Variants in RNLS observed in about 807,000 individuals in gnomAD.
RNLS encodes the protein renalase.
Under a neutral mutation model 39.8 loss-of-function variants are expected in RNLS, and 39 were observed. The ratio of observed to expected loss-of-function variants is 0.98; its 90% CI spans 0.76 to 1.28. RNLS has a LOEUF of 1.28. RNLS is among the 50% of genes most tolerant of loss of function. The probability of loss-of-function intolerance (pLI) is 0.00; values close to 1 mark genes in which losing one functional copy is unlikely to be tolerated. For synonymous variants in RNLS, 147 were observed against 150.7 expected (o/e 0.98, Z 0.18); for missense variants, 410 against 413.3 (o/e 0.99, Z 0.07).
intron 4 of RNLS, among the ~76,000 whole-genome samples, chr10:88,453,174 C>T (rs975372076): frequency 2.6e-5 from 4 of 152,146 alleles, no homozygotes; most frequent in East Asian, 1.9e-4. Flanking sequence ...AGGAGTACAC[C>T]GTAGTGGATA....
intron 4 of RNLS, among the ~76,000 whole-genome samples, chr10:88,378,338 G>GTTTC (rs1851194555): frequency 6.6e-6 from 1 of 152,098 alleles, no homozygotes; most frequent in Non-Finnish European, 1.5e-5. Context: ...TTGCCATCCT[G>GTTTC]TTTCTGGCCA....
intron 4 of RNLS, among the ~76,000 whole-genome samples, chr10:88,447,836 C>A (rs1407721112): frequency 1.3e-5 from 2 of 152,042 alleles, no homozygotes; most frequent in Non-Finnish European, 2.9e-5. Context: ...CAGAAAAGAG[C>A]CCTCAGAAAT....
intron 4 of RNLS, among the ~76,000 whole-genome samples, chr10:88,366,905 T>C (rs1850158113): frequency 6.6e-6 from 1 of 151,474 alleles, no homozygotes; most frequent in African/African-American, 2.4e-5. Flanking sequence ...ATTAAACCAA[T>C]TCACTGCCCA....
chr10:88,496,419 A>T (rs1388960996), intron 4 of RNLS, among the ~76,000 whole-genome samples: 2 of 152,190 alleles, frequency 1.3e-5, no homozygotes, highest in Non-Finnish European at 2.9e-5. Context: ...AGGAAGAAGC[A>T]GTGGCCTGAC....
the RNLS span, among the ~76,000 whole-genome samples, chr10:88,230,588 G>T: frequency 6.6e-6 from 1 of 152,106 alleles, no homozygotes. Flanking sequence ...TACAGCCCCT[G>T]CTCAACTCTA....
At chr10:88,185,091 A>G in the RNLS span, among the ~76,000 whole-genome samples, 5 of 152,202 alleles carry the variant, frequency 3.3e-5, no homozygotes, top group Non-Finnish European at 7.4e-5. Context: ...CCGAGGTTAC[A>G]TAGTAGACAA....
At chr10:88,334,060 C>T (rs1847311099) in intron 5 of RNLS, among the ~76,000 whole-genome samples, 3 of 152,054 alleles carry the variant, frequency 2.0e-5, no homozygotes, top group Admixed American at 2.0e-4. Context: ...ATTCACATAC[C>T]TTTGTTGAAC....
At chr10:88,194,916 T>C in the RNLS span, among the ~76,000 whole-genome samples, 1 of 152,242 alleles carries the variant, frequency 6.6e-6, no homozygotes, top group African/African-American at 2.4e-5. Flanking sequence ...ATCTTAACTT[T>C]GTTTTCTTTT....
chr10:88,466,652 G>GA (rs1843224441), intron 4 of RNLS, among the ~76,000 whole-genome samples: 2 of 152,016 alleles, frequency 1.3e-5, no homozygotes, highest in African/African-American at 4.8e-5. Context: ...TTCTGCACAG[G>GA]AAAAATAGCA....
At chr10:88,339,400 C>G (rs144618239) in intron 5 of RNLS, among the ~76,000 whole-genome samples, 2 of 152,098 alleles carry the variant, frequency 1.3e-5, no homozygotes, top group Non-Finnish European at 2.9e-5. Flanking sequence ...GTAAGTGTTC[C>G]TGGGGTGTTT....
At chr10:88,412,152 G>C (rs913141074) in intron 4 of RNLS, among the ~76,000 whole-genome samples, 1 of 152,002 alleles carries the variant, frequency 6.6e-6, no homozygotes, top group African/African-American at 2.4e-5. Flanking sequence ...TGAAGGCAGG[G>C]GGGTCAGGTG....
At chr10:88,378,989 C>G (rs183419236) in intron 4 of RNLS, among the ~76,000 whole-genome samples, 135 of 152,230 alleles carry the variant, frequency 8.9e-4, no homozygotes, top group Non-Finnish European at 1.3e-3. Context: ...GTATTATGTA[C>G]TGTATATATT....
chr10:88,573,672 T>C (rs1849984803), intron 3 of RNLS, among the ~76,000 whole-genome samples: 1 of 152,194 alleles, frequency 6.6e-6, no homozygotes, highest in South Asian at 2.1e-4. Context: ...TACCCTCCCA[T>C]AACATTTTCC....
chr10:88,246,821 G>A, the RNLS span, among the ~76,000 whole-genome samples: 1 of 152,152 alleles, frequency 6.6e-6, no homozygotes, highest in East Asian at 1.9e-4. Flanking sequence ...TGTCTAAGTT[G>A]TGAGCAGACA....
intron 6 of RNLS, among the ~76,000 whole-genome samples, chr10:88,278,405 C>G (rs1842889836): frequency 6.6e-6 from 1 of 152,128 alleles, no homozygotes; most frequent in African/African-American, 2.4e-5. Context: ...GTGCAACTAA[C>G]TCTAGGCCTA....
chr10:88,351,053 T>C (rs1848659682), intron 5 of RNLS, among the ~76,000 whole-genome samples: 1 of 152,236 alleles, frequency 6.6e-6, no homozygotes, highest in South Asian at 2.1e-4. Flanking sequence ...TCTGTTCATA[T>C]CCTTCGCCCA....
intron 5 of RNLS, among the ~76,000 whole-genome samples, chr10:88,355,450 C>T (rs1315822479): frequency 6.6e-6 from 1 of 152,174 alleles, no homozygotes; most frequent in Non-Finnish European, 1.5e-5. Context: ...CCCTCAGCTG[C>T]AGGTCTGTTG....
rs1264309906 is a variant in RNLS at position 88,394,595 on chromosome 10, G to T, written c.527-31870C>A. On this transcript the variant is annotated intron_variant, in intron 4 of 6. Coordinates refer to ENST00000331772, the MANE Select transcript of RNLS (RefSeq NM_001031709.3). ...ATAGGAACACTTTTACACTGTTGGT[G>T]GGACTGTAAACTAGTTCAACCATTG... Among the ~76,000 whole-genome samples, 6 of 152,268 alleles carry T rather than the reference G, an allele frequency of 3.9e-5. No individual in the cohort carries two copies. In the East Asian group the frequency reaches 9.6e-4, roughly 24 times the overall value.
At chr10:88,288,567 G>C (rs752620697) in intron 6 of RNLS, among the ~76,000 whole-genome samples, 3 of 152,034 alleles carry the variant, frequency 2.0e-5, no homozygotes, top group African/African-American at 4.8e-5. Context: ...CATTCCTGTT[G>C]ACATCCCTGT....
Sources: allele counts gnomAD v4.1 joint callset (sites outside exome capture counted in the v4.1 genomes callset), GRCh38; gene constraint gnomAD v4.1.1; transcripts MANE v1.5; gene names NCBI Gene and HGNC (gene_info 2026-07-23, HGNC 2026-07-21).